The following CIC variants were observed in gnomAD, a reference collection of about 807,000 sequenced individuals.
CIC encodes protein capicua homolog.
A neutral mutation model predicts 115.7 loss-of-function variants in CIC; 18 were observed. The observed-to-expected ratio is 0.16, with a 90% CI of 0.11 to 0.23. The LOEUF is 0.23. Ranked by LOEUF, CIC falls within the 10% of genes least tolerant of loss-of-function variation. The pLI is 1.00. For synonymous variants in CIC, 1,076 were observed against 923.0 expected (o/e 1.17, Z -3.01); for missense variants, 2,000 against 2,159.3 (o/e 0.93, Z 1.46).
At chr19:42,279,399 G>A (rs1193915981) in intron 2 of CIC, among the ~76,000 whole-genome samples, 3 of 152,208 alleles carry the variant, frequency 2.0e-5, no homozygotes, top group Non-Finnish European at 2.9e-5. Flanking sequence ...AAGCCAAGGG[G>A]CAGGGACAAC....
rs566041172 is a variant in CIC, at chr19:42,290,721, C to G, written c.4680C>G (p.Pro1560=). 6.2e-7 allele frequency: 1 copy of G among 1,612,472 alleles called. No individual in the cohort carries two copies. The highest frequency in any genetic ancestry group is 1.7e-5 in the Admixed American group (1 of 59,984). The stretch of plus-strand genomic sequence containing the variant: ...GCGGAGCCAGAGTGCCCTCCGCCCC[C>G]GCCCCATCACTGGCCTATGGGGCCC... ...EGGGARVPSA[P]APSLAYGAPA... Residue 1560 remains proline, a synonymous_variant, in exon 11 of 21, where the codon CCC becomes CCG. Transcript: ENST00000681038.
chr19:42,269,731 T>G (rs1599841719), intron 1 of CIC, among the ~76,000 whole-genome samples: 1 of 104,554 alleles, frequency 9.6e-6, no homozygotes, highest in African/African-American at 3.8e-5. Flanking sequence ...GAGGAATAGG[T>G]GACAGAGATA....
rs547998314 is a variant in CIC, at chr19:42,295,023, C to T, written c.7386C>T (p.Pro2462=). ...CTGCCCCTGCCCCCACTCCCAGCCC[C>T]GCAGGGGGCCCTGACCCCACCTCAC... is the stretch of plus-strand genomic sequence containing the variant. The part of the protein sequence containing the change: ...TAAAPAPTPS[P]AGGPDPTSPS... The change falls in exon 21 of 21, where the codon CCC becomes CCT. Residue 2462 remains proline, a synonymous_variant. Coordinates refer to ENST00000681038, the MANE Select transcript of CIC (RefSeq NM_001386298.1). The T allele has an allele frequency of 1.9e-4, 302 of 1,583,980 alleles. 4 individuals carry two copies. The South Asian group carries it at 2.6e-3, about 13-fold the overall frequency.
At chr19:42,286,658 G>T in intron 2 of CIC, 113 bp from the exon 3 acceptor site, 1 of 1,379,236 alleles carries the variant, frequency 7.3e-7, no homozygotes, top group Non-Finnish European at 1.0e-6. Flanking sequence ...TGGTGTTGGG[G>T]GTGGGGGGTA....
At chr19:42,276,620 CTG>C (rs2036988708) in intron 2 of CIC, among the ~76,000 whole-genome samples, 1 of 152,208 alleles carries the variant, frequency 6.6e-6, no homozygotes, top group African/African-American at 2.4e-5. Flanking sequence ...AGGCTGTGAG[CTG>C]TGTGTTTCAC....
chr19:42,273,057 C>A lies in CIC; in HGVS notation c.1274C>A (p.Pro425Gln). 2 of 399,184 alleles carry A rather than the reference C, an allele frequency of 5.0e-6. No individual in the cohort carries two copies. The highest frequency in any genetic ancestry group is 4.4e-5 in the Admixed American group (1 of 22,744). 24.7% of individuals were successfully genotyped at this position (399,184 alleles called of 1,614,324 possible). Residue 425 changes from proline to glutamine, a missense_variant, in exon 2 of 21, where the codon CCA becomes CAA. This residue lies in a region of CIC where 222 missense variants were observed against 247.7 expected (regional missense o/e 0.90). Transcript: ENST00000681038. ...CCCCCACCCCAGCTCCTGTCACCAC[C>A]ACCCAAGTCTCCAGCCTTTGTGGGC... ...PLPPPQLLSP[P>Q]PKSPAFVGPG...
Position 42,287,452 on chromosome 19 carries a change from A to G in CIC, c.3309+3A>G. ...AGGATGGACGCAGCCCCAACAAGGT[A>G]CTTTATCCCTGCCTGTCCTGTGCTC... On this transcript the variant is annotated splice_donor_region_variant and intron_variant, in intron 5 of 20. Transcript: ENST00000681038. The surrounding 1 kb of genome is among the most constrained non-coding windows in gnomAD (Gnocchi z 8.7). 1 of 1,613,114 alleles carries G rather than the reference A, an allele frequency of 6.2e-7. No individual in the cohort carries two copies. The highest frequency in any genetic ancestry group is 8.5e-7 in the Non-Finnish European group (1 of 1,180,016).
In CIC at chr19:42,287,507, G is replaced by C. The variant is rs765610879; in HGVS notation, c.3310-38G>C. 1 of 1,612,304 alleles carries C rather than the reference G, an allele frequency of 6.2e-7. No individual in the cohort carries two copies. Among genetic ancestry groups the C allele is most frequent in the African/African-American group, 1.3e-5 (1 of 74,930 alleles). ...CGTGGCCACCCACACCTGTCTGCCA[G>C]GTCCTAACTGTCCCGCTCTGGGCTG... On this transcript the variant is annotated intron_variant, in intron 5 of 20. Coordinates refer to ENST00000681038, the MANE Select transcript of CIC (RefSeq NM_001386298.1). The surrounding 1 kb of genome is among the most constrained non-coding windows in gnomAD (Gnocchi z 8.7).
chr19:42,293,482 G>T (rs1305791306), intron 16 of CIC, 110 bp from the exon 17 acceptor site: 6 of 1,564,528 alleles, frequency 3.8e-6, no homozygotes, highest in Non-Finnish European at 4.3e-6. Flanking sequence ...CCGTGTGACA[G>T]CCTTCTCAAG....
At position 42,287,156 on chromosome 19, in the gene CIC, C is replaced by T. The variant is rs573059625; in HGVS notation, c.3095C>T (p.Pro1032Leu). ...GGGGTGGTGGAATCTGGTAAGGGTCCGCCTCCCACCACGGAGGAGGAGGCC... is the reference window on the plus strand; with the variant it reads ...GGGGTGGTGGAATCTGGTAAGGGTCTGCCTCCCACCACGGAGGAGGAGGCC... ...PLGVVESGKGPPPTTEEEASG... is the reference protein window; with the variant it reads ...PLGVVESGKGLPPTTEEEASG... Residue 1032 changes from proline (P) to leucine (L), a missense_variant, in exon 4 of 21, where the codon CCG becomes CTG. Around this residue, in one of 8 missense-constraint regions of CIC, gnomAD observed 222 missense variants for 247.7 expected, o/e 0.90. Coordinates refer to ENST00000681038, the MANE Select transcript of CIC (RefSeq NM_001386298.1). The surrounding 1 kb of genome is among the most constrained non-coding windows in gnomAD (Gnocchi z 8.7). The T allele has an allele frequency of 5.1e-5, 82 of 1,613,412 alleles. No homozygotes were observed. Among genetic ancestry groups the T allele is most frequent in the Middle Eastern group, 1.7e-4 (1 of 5,968 alleles).
intron 2 of CIC, among the ~76,000 whole-genome samples, chr19:42,275,589 G>T (rs1246079821): frequency 6.6e-6 from 1 of 152,220 alleles, no homozygotes; most frequent in African/African-American, 2.4e-5. Context: ...CCCAGGCTAG[G>T]CTGGGCCTTG....
rs2147312703 is a variant in CIC at position 42,292,814 on chromosome 19, G to A, written c.6151G>A (p.Ala2051Thr). ...TILPKGPPAP[A>T]TATPAPTSPF... is the part of the protein sequence containing the mutation. ...TCTGCCCAAGGGCCCGCCAGCCCCT[G>A]CCACTGCCACCCCAGCCCCGACTAG... Residue 2051 changes from alanine to threonine, a missense_variant, in exon 15 of 21, where the codon GCC (alanine) becomes ACC (threonine). By Grantham distance (58) the Ala-to-Thr change is moderately conservative (BLOSUM62 0). Coordinates refer to ENST00000681038, the MANE Select transcript of CIC (RefSeq NM_001386298.1). 6.2e-7 allele frequency: 1 copy of A among 1,613,776 alleles called. No individual in the cohort carries two copies. Among genetic ancestry groups the A allele is most frequent in the Non-Finnish European group, 8.5e-7 (1 of 1,179,972 alleles).
intron 2 of CIC, among the ~76,000 whole-genome samples, chr19:42,285,645 G>A (rs925099135): frequency 1.3e-5 from 2 of 152,208 alleles, no homozygotes; most frequent in Non-Finnish European, 2.9e-5. Flanking sequence ...CTGGAATGAT[G>A]GAGAGCAGGG....
In CIC at chr19:42,288,968, G is replaced by A. The variant is rs1434474645; in HGVS notation, c.3739G>A (p.Ala1247Thr). 1 of 1,614,078 alleles carries A rather than the reference G, an allele frequency of 6.2e-7. No individual in the cohort carries two copies. The highest frequency in any genetic ancestry group is 8.5e-7 in the Non-Finnish European group (1 of 1,180,042). Reference protein sequence around the residue: ...TKAPGSSSCGAERLHTVGGPG... With the variant: ...TKAPGSSSCGTERLHTVGGPG... ...GGCTCCGGGGAGCAGCTCCTGTGGG[G>A]CAGAACGGCTACACACAGTTGGGGG... The change falls in exon 8 of 21, where the codon GCA (alanine) becomes ACA (threonine). Residue 1247 changes from alanine to threonine, a missense_variant. Around this residue, in one of 8 missense-constraint regions of CIC, gnomAD observed 1,466 missense variants for 1,390.4 expected, o/e 1.05. Transcript: ENST00000681038.
At position 42,280,448 on chromosome 19, in the gene CIC, G is replaced by C. The variant is rs2037178319; in HGVS notation, c.2794+5871G>C. ...GGGGTGTGGGTTCCCGCGCGCCCCTGGGTGCAGACCTCCTGTGTCGGGCCT... is the reference window on the plus strand; with the variant it reads ...GGGGTGTGGGTTCCCGCGCGCCCCTCGGTGCAGACCTCCTGTGTCGGGCCT... On this transcript the variant is annotated intron_variant, in intron 2 of 20. Transcript: ENST00000681038. This position sits in a 1 kb window ranked among gnomAD's most constrained non-coding sequence, Gnocchi z 4.9. 6.6e-6 allele frequency among the ~76,000 whole-genome samples: 1 copy of C among 152,112 alleles called. No homozygotes were observed. The highest frequency in any genetic ancestry group is 1.5e-5 in the Non-Finnish European group (1 of 67,992).
rs1032540294 is a variant in CIC at position 42,294,653 on chromosome 19, A to C, written c.7104A>C (p.Pro2368=). The C allele has an allele frequency of 2.6e-5, 42 of 1,613,624 alleles. No homozygotes were observed. The highest frequency in any genetic ancestry group is 3.4e-5 in the Non-Finnish European group (40 of 1,180,004). Residue 2368 remains proline (P), a synonymous_variant, in exon 20 of 21, where the codon CCA becomes CCC. Coordinates refer to ENST00000681038, the MANE Select transcript of CIC (RefSeq NM_001386298.1). ...GGGAGCTAGAGTATGACAAGGTGCCATACTCCTCCCTGCGGCGCACCCTGG... is the reference window on the plus strand; with the variant it reads ...GGGAGCTAGAGTATGACAAGGTGCCCTACTCCTCCCTGCGGCGCACCCTGG... ...VLGELEYDKV[P]YSSLRRTLDQ... is the part of the protein sequence containing the mutation.
In CIC at chr19:42,293,941, C is replaced by T. The variant is rs759883427; in HGVS notation, c.6774C>T (p.Val2258=). 6 of 1,613,044 alleles carry T rather than the reference C, an allele frequency of 3.7e-6. No homozygotes were observed. The highest frequency in any genetic ancestry group is 5.1e-6 in the Non-Finnish European group (6 of 1,179,984). Residue 2258 remains valine (V), a synonymous_variant, in exon 18 of 21, where the codon GTC becomes GTT. Coordinates refer to ENST00000681038, the MANE Select transcript of CIC (RefSeq NM_001386298.1). The part of the protein sequence containing the change: ...KKTFDSVDNR[V]LSEVDFEERF... The stretch of plus-strand genomic sequence containing the variant: ...GACCCTGCCGGCCCTCCAGCAGGGT[C>T]CTGTCAGAAGTGGACTTCGAAGAGC...
intron 1 of CIC, 135 bp from the exon 2 acceptor site, chr19:42,271,639 C>T (rs1387098138): frequency 5.0e-6 from 2 of 397,516 alleles, no homozygotes; most frequent in Non-Finnish European, 8.8e-6. Context: ...CATGAGTTGA[C>T]AGCAGCCAGA....
intron 2 of CIC, among the ~76,000 whole-genome samples, chr19:42,283,662 A>G (rs772243626): frequency 6.6e-6 from 1 of 151,858 alleles, no homozygotes; most frequent in Non-Finnish European, 1.5e-5. Flanking sequence ...GGTGTGCGGG[A>G]GGCGGGCCGA....
Sources: gnomAD v4.1 joint callset for allele counts (sites outside exome capture counted in the v4.1 genomes callset) on GRCh38, gnomAD v4.1.1 for gene constraint, gnomAD v4.1.1 regional missense constraint, Gnocchi (gnomAD v3.1) non-coding constraint, MANE v1.5 for transcripts, NCBI Gene and HGNC (gene_info 2026-07-23, HGNC 2026-07-21) for gene names.